UNC13B: variants seen among roughly 807,000 people sequenced by gnomAD.
UNC13B encodes unc-13 homolog B, also known as protein unc-13 homolog B.
A neutral mutation model predicts 211.0 loss-of-function variants in UNC13B; 144 were observed. That is an observed-to-expected ratio of 0.68 (90% CI 0.60 to 0.78). The LOEUF is 0.78. Ranked by LOEUF, UNC13B falls within the 30% of genes least tolerant of loss-of-function variation. The probability of loss-of-function intolerance (pLI) is 0.00; values close to 1 mark genes in which losing one functional copy is unlikely to be tolerated. For synonymous variants in UNC13B, 709 were observed against 725.8 expected, an observed-to-expected ratio of 0.98 and a Z score of 0.37; for missense variants, 1,777 against 2,002.0, an observed-to-expected ratio of 0.89 and a Z score of 2.14.
At chr9:35,281,270 G>T (rs531769841) in intron 7 of UNC13B, among the ~76,000 whole-genome samples, 2 of 148,622 alleles carry the variant, frequency 1.3e-5, no homozygotes, top group Non-Finnish European at 3.0e-5. Context: ...AAAAAAATTA[G>T]CTGGGCATGG....
At chr9:35,296,550 A>G in intron 8 of UNC13B, among the ~76,000 whole-genome samples, 1 of 152,156 alleles carries the variant, frequency 6.6e-6, no homozygotes, top group African/African-American at 2.4e-5. Flanking sequence ...CTGTTGTCAT[A>G]TATTTATGAG....
rs763529887 is a variant in UNC13B, at chr9:35,375,112, G to C, written c.9541-15G>C. 7 of 1,614,028 alleles carry C rather than the reference G, an allele frequency of 4.3e-6. No individual in the cohort carries two copies. The highest frequency in any genetic ancestry group is 1.7e-4 in the Middle Eastern group (1 of 6,052). ...TTGGCAGTGGTCAGGGCTAACAGCAGATCTTCCCTGACAGTCACTGGTCCA... is the reference window on the plus strand; with the variant it reads ...TTGGCAGTGGTCAGGGCTAACAGCACATCTTCCCTGACAGTCACTGGTCCA... On this transcript the variant is annotated splice_polypyrimidine_tract_variant and intron_variant, in intron 13 of 39. Coordinates refer to ENST00000635942, the MANE Select transcript of UNC13B (RefSeq NM_001371189.2).
chr9:35,256,136 A>G (rs866434591), intron 6 of UNC13B, among the ~76,000 whole-genome samples: 1 of 152,236 alleles, frequency 6.6e-6, no homozygotes, highest in East Asian at 1.9e-4. Context: ...ATTATTAACT[A>G]AAGAGTATTT....
At chr9:35,320,655 CAG>C (rs749206455) in intron 11 of UNC13B, among the ~76,000 whole-genome samples, 7 of 152,194 alleles carry the variant, frequency 4.6e-5, no homozygotes, top group African/African-American at 7.2e-5. Flanking sequence ...TTTTAAAACC[CAG>C]TCAGCTGTCA....
At chr9:35,239,416 G>A (rs1229168908) in intron 5 of UNC13B, among the ~76,000 whole-genome samples, 2 of 152,172 alleles carry the variant, frequency 1.3e-5, no homozygotes, top group African/African-American at 2.4e-5. Context: ...CGAATAGGGT[G>A]TGGGTCACAG....
intron 11 of UNC13B, among the ~76,000 whole-genome samples, chr9:35,328,992 C>T (rs1330794292): frequency 1.3e-5 from 2 of 151,788 alleles, no homozygotes; most frequent in Admixed American, 6.6e-5. Context: ...AAGATGGTCT[C>T]GATCTCCTGA....
intron 1 of UNC13B, among the ~76,000 whole-genome samples, chr9:35,186,261 G>A (rs924266893): frequency 2.0e-5 from 3 of 151,974 alleles, no homozygotes; most frequent in Non-Finnish European, 4.4e-5. Context: ...CTGCTACCTG[G>A]AGGTTTCATC....
Position 35,303,559 on chromosome 9 carries a change from A to G in UNC13B, c.4155A>G (p.Leu1385=), listed in dbSNP as rs953587538. 10 of 398,644 alleles carry G rather than the reference A, an allele frequency of 2.5e-5. No homozygotes were observed. The highest frequency in any genetic ancestry group is 1.9e-4 in the African/African-American group (9 of 48,628). The allele number at this position is 398,644 out of a possible 1,614,324, so 24.7% of individuals were successfully genotyped here. Reference sequence around the variant, plus strand: ...ATATGTTAAATCAAAATAGATTTCTATCAGCCGATGCTTGCTTGTGGCTTG... The same window carrying G: ...ATATGTTAAATCAAAATAGATTTCTGTCAGCCGATGCTTGCTTGTGGCTTG... ...VYYMLNQNRF[L]SADACLWLDS... The change falls in exon 9 of 40, where the codon CTA becomes CTG. Residue 1385 remains leucine (L), a synonymous_variant. Transcript: ENST00000635942.
At chr9:35,163,625 C>T (rs1460771366) in intron 1 of UNC13B, among the ~76,000 whole-genome samples, 1 of 152,216 alleles carries the variant, frequency 6.6e-6, no homozygotes, top group African/African-American at 2.4e-5. Flanking sequence ...GTCTCTTGGA[C>T]AGTTTAATTC....
intron 11 of UNC13B, chr9:35,364,415 T>C (rs1207920573): frequency 4.3e-6 from 4 of 939,012 alleles, no homozygotes; most frequent in African/African-American, 1.6e-5. Context: ...AACTGCCTAG[T>C]TGTCCCGAGG....
At chr9:35,352,879 A>C (rs1357154465) in intron 11 of UNC13B, 1 of 1,232,066 alleles carries the variant, frequency 8.1e-7, no homozygotes, top group Non-Finnish European at 1.0e-6. Flanking sequence ...ACAGCCAAAA[A>C]CATGAAGCAT....
intron 17 of UNC13B, among the ~76,000 whole-genome samples, chr9:35,378,821 T>C (rs1174879308): frequency 6.6e-6 from 1 of 152,122 alleles, no homozygotes; most frequent in East Asian, 1.9e-4. Context: ...AAGGCTCTTA[T>C]AAGGAGTGGG....
At chr9:35,401,045 C>T (rs1380657977) in intron 37 of UNC13B, among the ~76,000 whole-genome samples, 1 of 152,198 alleles carries the variant, frequency 6.6e-6, no homozygotes, top group Non-Finnish European at 1.5e-5. Flanking sequence ...CCCCTCCCTA[C>T]CTCCAGCATG....
intron 1 of UNC13B, among the ~76,000 whole-genome samples, chr9:35,224,320 C>G (rs886368880): frequency 6.6e-6 from 1 of 152,122 alleles, no homozygotes; most frequent in Non-Finnish European, 1.5e-5. Flanking sequence ...TTCAATTTCT[C>G]TCATCAGTGT....
intron 7 of UNC13B, among the ~76,000 whole-genome samples, chr9:35,263,994 A>T (rs1827427266): frequency 1.3e-5 from 2 of 152,204 alleles, no homozygotes; most frequent in Admixed American, 1.3e-4. Context: ...AGGCAATCCA[A>T]GAAGACTACT....
chr9:35,200,794 G>A (rs1823238464), intron 1 of UNC13B, among the ~76,000 whole-genome samples: 2 of 152,294 alleles, frequency 1.3e-5, no homozygotes, highest in Middle Eastern at 3.4e-3. Context: ...GGGACAATTT[G>A]ACATCCTCTT....
At chr9:35,245,889 T>C (rs1587455827) in intron 6 of UNC13B, among the ~76,000 whole-genome samples, 1 of 152,320 alleles carries the variant, frequency 6.6e-6, no homozygotes, top group Admixed American at 6.5e-5. Flanking sequence ...CTGAGTCAGA[T>C]GGTATTTCTA....
rs368512328 is a variant in UNC13B, at chr9:35,329,210, C to T, written c.9414+15221C>T. Among the ~76,000 whole-genome samples the T allele has an allele frequency of 7.3e-4, 111 of 152,200 alleles. 1 individual carries two copies. The South Asian group carries it at 0.018, about 25-fold the overall frequency. ...CATAATGTTGAAGTCTTAACCTTCC[C>T]CAGGGGTTGGATACCTAACCCCAGG... is the stretch of plus-strand genomic sequence containing the variant. On this transcript the variant is annotated intron_variant, in intron 11 of 39. Transcript: ENST00000635942.
At chr9:35,297,528 C>A in intron 8 of UNC13B, among the ~76,000 whole-genome samples, 1 of 139,472 alleles carries the variant, frequency 7.2e-6, no homozygotes, top group Non-Finnish European at 1.6e-5. Flanking sequence ...CACATGCATT[C>A]AGGAAGCACA....
Sources: allele counts gnomAD v4.1 joint callset (sites outside exome capture counted in the v4.1 genomes callset), GRCh38; gene constraint gnomAD v4.1.1; transcripts MANE v1.5; gene names NCBI Gene and HGNC (gene_info 2026-07-23, HGNC 2026-07-21).